GRM5: variants seen among roughly 807,000 people sequenced by gnomAD.
The protein encoded by GRM5 is metabotropic glutamate receptor 5.
A neutral mutation model predicts 83.1 loss-of-function variants in GRM5; 19 were observed. The ratio of observed to expected loss-of-function variants is 0.23; its 90% CI spans 0.16 to 0.34. The LOEUF is 0.34. Among genes scored for constraint, GRM5 ranks in the 10% least tolerant of loss-of-function variants. GRM5 has a pLI of 1.00. For missense variants in GRM5, 1,160 were observed against 1,588.3 expected, an observed-to-expected ratio of 0.73 and a Z score of 4.58; for synonymous variants, 675 against 633.6, an observed-to-expected ratio of 1.07 and a Z score of -0.98.
chr11:88,768,983 C>T lies in GRM5; in HGVS notation c.911+80923G>A, dbSNP rs182165545. On this transcript the variant is annotated intron_variant, in intron 3 of 9. Coordinates refer to ENST00000305447, the MANE Select transcript of GRM5 (RefSeq NM_001143831.3). The stretch of plus-strand genomic sequence containing the variant: ...AACCTCCATGAATAAAATAGCCTCA[C>T]CAAGGAGTTGCTGGCCTAAGTTAAC... Among the ~76,000 whole-genome samples, 95 of 152,092 alleles carry T rather than the reference C, an allele frequency of 6.2e-4. No homozygotes were observed. In the East Asian group the frequency reaches 0.016, roughly 25 times the overall value.
chr11:88,647,110 A>G (rs1007646806), intron 4 of GRM5, among the ~76,000 whole-genome samples: 2 of 151,994 alleles, frequency 1.3e-5, no homozygotes, highest in African/African-American at 4.8e-5. Context: ...GTGTCATCCC[A>G]TGGTGTCCTC....
chr11:88,663,822 C>T (rs1020433322), intron 3 of GRM5, among the ~76,000 whole-genome samples: 5 of 152,102 alleles, frequency 3.3e-5, no homozygotes, highest in South Asian at 2.1e-4. Context: ...GGTGATTGCA[C>T]GGTGCTAAGT....
At chr11:89,010,859 C>G (rs1266384756) in intron 2 of GRM5, among the ~76,000 whole-genome samples, 2 of 151,722 alleles carry the variant, frequency 1.3e-5, no homozygotes, top group Non-Finnish European at 2.9e-5. Context: ...CTTGCAAAAG[C>G]AAAGCTAATA....
chr11:88,696,131 G>A (rs1328851068), intron 3 of GRM5, among the ~76,000 whole-genome samples: 1 of 152,138 alleles, frequency 6.6e-6, no homozygotes, highest in East Asian at 1.9e-4. Flanking sequence ...GCCAGAAGGG[G>A]GATGGAGTGG....
chr11:88,774,137 G>A (rs555417577), intron 3 of GRM5, among the ~76,000 whole-genome samples: 1 of 152,140 alleles, frequency 6.6e-6, no homozygotes, highest in Non-Finnish European at 1.5e-5. Context: ...TTGAGCAGTG[G>A]TTTGTAGTTT....
chr11:88,908,994 T>C (rs928008607), intron 2 of GRM5, among the ~76,000 whole-genome samples: 3 of 152,138 alleles, frequency 2.0e-5, no homozygotes, highest in African/African-American at 7.2e-5. Flanking sequence ...GGCAGCCTGT[T>C]AGTGGTAAGA....
At chr11:88,977,810 G>A (rs1278268210) in intron 2 of GRM5, among the ~76,000 whole-genome samples, 1 of 152,222 alleles carries the variant, frequency 6.6e-6, no homozygotes, top group East Asian at 1.9e-4. Context: ...TCAAAATTCT[G>A]TGCTGCTTAT....
intron 2 of GRM5, among the ~76,000 whole-genome samples, chr11:88,861,243 G>C (rs1344705648): frequency 1.3e-5 from 2 of 151,978 alleles, no homozygotes; most frequent in African/African-American, 4.8e-5. Context: ...TCTGCTGCTT[G>C]ACTCTTCTCT....
At chr11:88,877,246 G>A (rs1267740111) in intron 2 of GRM5, among the ~76,000 whole-genome samples, 1 of 152,042 alleles carries the variant, frequency 6.6e-6, no homozygotes, top group Non-Finnish European at 1.5e-5. Flanking sequence ...TGAATAATAT[G>A]CTAATTACCC....
At chr11:88,745,921 T>C (rs1209651767) in intron 3 of GRM5, among the ~76,000 whole-genome samples, 1 of 152,208 alleles carries the variant, frequency 6.6e-6, no homozygotes, top group Non-Finnish European at 1.5e-5. Context: ...ACCTTGGGAA[T>C]ATTATTTAGT....
intron 2 of GRM5, among the ~76,000 whole-genome samples, chr11:88,964,010 C>A (rs1938865288): frequency 6.6e-6 from 1 of 152,220 alleles, no homozygotes; most frequent in Non-Finnish European, 1.5e-5. Flanking sequence ...ATTTAGTTTA[C>A]ACAGATTGGA....
At chr11:88,583,000 T>C (rs961372557) in intron 7 of GRM5, among the ~76,000 whole-genome samples, 21 of 151,896 alleles carry the variant, frequency 1.4e-4, no homozygotes, top group Admixed American at 1.2e-3. Flanking sequence ...AACTGTAGAA[T>C]AATAATCTCA....
chr11:88,883,415 C>T lies in GRM5; in HGVS notation c.662-33260G>A, dbSNP rs1381078292. On this transcript the variant is annotated intron_variant, in intron 2 of 9. Transcript: ENST00000305447. Reference sequence around the variant, plus strand: ...GCAAAAAGACTGTGGGCATTTTGTCCCTGCTTTAGAGATCTGTGGAACTTT... The same window carrying T: ...GCAAAAAGACTGTGGGCATTTTGTCTCTGCTTTAGAGATCTGTGGAACTTT... Among the ~76,000 whole-genome samples the T allele has an allele frequency of 3.9e-5, 6 of 151,968 alleles. No homozygotes were observed. In the South Asian group the frequency reaches 1.0e-3, roughly 26 times the overall value.
At chr11:88,835,735 T>G (rs1234381972) in intron 3 of GRM5, among the ~76,000 whole-genome samples, 3 of 152,192 alleles carry the variant, frequency 2.0e-5, no homozygotes, top group Non-Finnish European at 4.4e-5. Flanking sequence ...GGTGTAAAAA[T>G]AACTGTATTA....
intron 2 of GRM5, among the ~76,000 whole-genome samples, chr11:89,036,438 G>A (rs570165319): frequency 1.3e-5 from 2 of 151,966 alleles, no homozygotes; most frequent in Non-Finnish European, 2.9e-5. Flanking sequence ...ATCATTTATG[G>A]TTTTTTTCTT....
intron 3 of GRM5, among the ~76,000 whole-genome samples, chr11:88,690,520 C>T (rs1282629468): frequency 3.3e-5 from 5 of 152,010 alleles, no homozygotes; most frequent in Admixed American, 2.0e-4. Flanking sequence ...GAATTAATTA[C>T]AATTTATTTT....
At chr11:88,903,269 G>T (rs1055223278) in intron 2 of GRM5, among the ~76,000 whole-genome samples, 1 of 152,142 alleles carries the variant, frequency 6.6e-6, no homozygotes, top group African/African-American at 2.4e-5. Context: ...AGAATGTTAG[G>T]AGAAGAGGGT....
At chr11:88,991,239 A>G in intron 2 of GRM5, among the ~76,000 whole-genome samples, 1 of 152,182 alleles carries the variant, frequency 6.6e-6, no homozygotes. Context: ...AGAGAGTCAA[A>G]TCATGAGTGA....
At chr11:88,807,200 T>G (rs1943513205) in intron 3 of GRM5, among the ~76,000 whole-genome samples, 1 of 152,128 alleles carries the variant, frequency 6.6e-6, no homozygotes, top group Non-Finnish European at 1.5e-5. Flanking sequence ...ATTGAACACA[T>G]GAATGGGTGG....
Sources: gnomAD v4.1 joint callset for allele counts (sites outside exome capture counted in the v4.1 genomes callset) on GRCh38, gnomAD v4.1.1 for gene constraint, MANE v1.5 for transcripts, NCBI Gene and HGNC (gene_info 2026-07-23, HGNC 2026-07-21) for gene names.